CFAP61: variants seen among roughly 807,000 people sequenced by gnomAD.
CFAP61 encodes the protein cilia- and flagella-associated protein 61.
In CFAP61, 107 loss-of-function variants were observed where a neutral mutation model predicts 135.6. That is an observed-to-expected ratio of 0.79 (90% CI 0.67 to 0.93). The LOEUF is 0.93. Among genes scored for constraint, CFAP61 ranks in the 40% least tolerant of loss-of-function variants. The probability of loss-of-function intolerance (pLI) is 0.00; values close to 1 mark genes in which losing one functional copy is unlikely to be tolerated. For missense variants in CFAP61, 1,507 were observed against 1,556.2 expected, an observed-to-expected ratio of 0.97 and a Z score of 0.53; for synonymous variants, 575 against 578.5, an observed-to-expected ratio of 0.99 and a Z score of 0.09.
At chr20:20,233,217 CA>C (rs1178545608) in intron 18 of CFAP61, among the ~76,000 whole-genome samples, 1 of 152,210 alleles carries the variant, frequency 6.6e-6, no homozygotes, top group African/African-American at 2.4e-5. Context: ...TTTATCTTTA[CA>C]TTTGTCTGAG....
chr20:20,177,868 G>A lies in CFAP61; in HGVS notation c.1385+8408G>A, dbSNP rs150210071. ...TGGCCATGAGTAAAGACCTGAAGGA[G>A]GTGAGGAGGAGCCACTTGGGCATGG... On this transcript the variant is annotated intron_variant, in intron 13 of 26. Transcript: ENST00000245957. Among the ~76,000 whole-genome samples, 92 of 152,052 alleles carry A rather than the reference G, an allele frequency of 6.1e-4. 1 individual carries two copies. The highest frequency in any genetic ancestry group is 2.1e-3 in the African/African-American group (89 of 41,438).
chr20:20,159,433 A>G lies in CFAP61; in HGVS notation c.1015A>G (p.Ser339Gly). The G allele has an allele frequency of 1.2e-6, 2 of 1,613,860 alleles. No individual in the cohort carries two copies. The highest frequency in any genetic ancestry group is 1.7e-6 in the Non-Finnish European group (2 of 1,179,758). ...AACAGCAGTCCAAAGTGGAAATGTT[A>G]GTGAACCGGAGGTAGGGTTTGACGA... ...ALTAVQSGNV[S>G]EPEDIEKLSD... Residue 339 changes from serine (S) to glycine (G), a missense_variant, in exon 10 of 27, where the codon AGT becomes GGT. Coordinates refer to ENST00000245957, the MANE Select transcript of CFAP61 (RefSeq NM_015585.4).
intron 9 of CFAP61, among the ~76,000 whole-genome samples, chr20:20,151,144 A>AT (rs750322909): frequency 1.3e-5 from 2 of 152,150 alleles, no homozygotes; most frequent in Non-Finnish European, 2.9e-5. Flanking sequence ...ACTTAAAGAA[A>AT]TTTTTTAAAA....
chr20:20,071,003 C>T lies in CFAP61; in HGVS notation c.293C>T (p.Thr98Ile). The change falls in exon 3 of 27, where the codon ACA becomes ATA. Residue 98 changes from threonine to isoleucine, a missense_variant and splice_region_variant. By Grantham distance (89) the Thr-to-Ile change is moderately conservative (BLOSUM62 -1). Coordinates refer to ENST00000245957, the MANE Select transcript of CFAP61 (RefSeq NM_015585.4). ...GAGCTCGACAGTGACATCCCATGCA[C>T]AGTAAGAAATCACATACAGTGCTTG... ...FRELDSDIPCTPLNTLFMHLF... is the reference protein window; with the variant it reads ...FRELDSDIPCIPLNTLFMHLF... 4 of 1,613,246 alleles carry T rather than the reference C, an allele frequency of 2.5e-6. No homozygotes were observed. Among genetic ancestry groups the T allele is most frequent in the Non-Finnish European group, 3.4e-6 (4 of 1,179,638 alleles).
chr20:20,164,220 T>C lies in CFAP61; in HGVS notation c.1197T>C (p.Tyr399=), dbSNP rs763835302. ...CIQLFCIDEK[Y]EARSLDFMNF... is the part of the protein sequence containing the mutation. The stretch of plus-strand genomic sequence containing the variant: ...AGCTGTTTTGTATTGATGAGAAATA[T>C]GAAGCAAGGCAAGTACTGACCTTCT... Residue 399 remains tyrosine, a synonymous_variant, in exon 11 of 27, where the codon TAT becomes TAC. Transcript: ENST00000245957. 10 of 1,613,204 alleles carry C rather than the reference T, an allele frequency of 6.2e-6. No homozygotes were observed. The South Asian group carries it at 7.7e-5, about 12-fold the overall frequency.
At chr20:20,151,429 G>T (rs1186377961) in intron 9 of CFAP61, among the ~76,000 whole-genome samples, 1 of 152,054 alleles carries the variant, frequency 6.6e-6, no homozygotes, top group African/African-American at 2.4e-5. Context: ...AGGATAACTG[G>T]TATTCCTGAG....
chr20:20,061,354 A>G (rs535542604), intron 2 of CFAP61, among the ~76,000 whole-genome samples: 1 of 152,340 alleles, frequency 6.6e-6, no homozygotes, highest in African/African-American at 2.4e-5. Flanking sequence ...CTGGACAAAA[A>G]TCTTCCATTA....
intron 9 of CFAP61, among the ~76,000 whole-genome samples, chr20:20,158,512 T>C (rs1336707160): frequency 1.3e-5 from 2 of 152,160 alleles, no homozygotes; most frequent in African/African-American, 4.8e-5. Context: ...GCATTCCAAG[T>C]GTTGGTGAGG....
At chr20:20,141,462 T>G (rs78766156) in intron 8 of CFAP61, among the ~76,000 whole-genome samples, 1 of 152,194 alleles carries the variant, frequency 6.6e-6, no homozygotes, top group African/African-American at 2.4e-5. Flanking sequence ...CCTCAAAGCA[T>G]CTTTCTTCAG....
chr20:20,331,545 G>T (rs1349265296), intron 25 of CFAP61, among the ~76,000 whole-genome samples: 1 of 152,058 alleles, frequency 6.6e-6, no homozygotes, highest in Non-Finnish European at 1.5e-5. Context: ...CAAACATGGT[G>T]TGTGTGTTCT....
At chr20:20,266,484 A>G (rs1383240139) in intron 21 of CFAP61, among the ~76,000 whole-genome samples, 1 of 152,358 alleles carries the variant, frequency 6.6e-6, no homozygotes, top group Admixed American at 6.5e-5. Flanking sequence ...TAAATGTTTT[A>G]CTGAATGTAA....
intron 26 of CFAP61, among the ~76,000 whole-genome samples, chr20:20,347,932 C>CAAAAAA (rs139136148): frequency 1.3e-5 from 1 of 75,174 alleles, no homozygotes; most frequent in African/African-American, 5.0e-5. Flanking sequence ...GACGCCATCT[C>CAAAAAA]AAAAAAAAAA....
At chr20:20,057,194 T>C (rs2044424930) in intron 2 of CFAP61, among the ~76,000 whole-genome samples, 1 of 152,024 alleles carries the variant, frequency 6.6e-6, no homozygotes, top group African/African-American at 2.4e-5. Flanking sequence ...CTTTTTGTCT[T>C]TATGGGGCTT....
intron 17 of CFAP61, among the ~76,000 whole-genome samples, chr20:20,227,577 A>C (rs1448215935): frequency 6.6e-6 from 1 of 152,244 alleles, no homozygotes. Flanking sequence ...TGACTAATTC[A>C]GGTAATTTTT....
intron 21 of CFAP61, among the ~76,000 whole-genome samples, chr20:20,270,767 T>C (rs1259872229): frequency 9.2e-5 from 14 of 151,766 alleles, no homozygotes; most frequent in Non-Finnish European, 1.9e-4. Flanking sequence ...TGCCCTGGGT[T>C]CAAATGATCC....
chr20:20,262,367 G>T (rs1021024968), intron 20 of CFAP61, among the ~76,000 whole-genome samples: 1 of 152,174 alleles, frequency 6.6e-6, no homozygotes, highest in African/African-American at 2.4e-5. Context: ...CAGCCACCAC[G>T]TTATGAGGAA....
At chr20:20,308,366 G>T (rs369806907) in intron 25 of CFAP61, among the ~76,000 whole-genome samples, 1 of 151,604 alleles carries the variant, frequency 6.6e-6, no homozygotes, top group Non-Finnish European at 1.5e-5. Flanking sequence ...ATTTCTCTCT[G>T]TGCCTGTTTT....
In CFAP61 at chr20:20,265,372, T is replaced by C. The variant is rs769676169; in HGVS notation, c.2503+2242T>C. On this transcript the variant is annotated intron_variant, in intron 21 of 26. Coordinates refer to ENST00000245957, the MANE Select transcript of CFAP61 (RefSeq NM_015585.4). ...AGAAACCCCAAAGCAAGAAGCGCTG[T>C]AGTCTCTTTCATGTGCCTTTGTATT... 1.6e-4 allele frequency: 128 copies of C among 779,638 alleles called. No homozygotes were observed. The Admixed American group carries it at 2.2e-3, about 13-fold the overall frequency. 48.3% of individuals were successfully genotyped at this position (779,638 alleles called of 1,614,324 possible). A position where few individuals can be genotyped will look rare whatever the true frequency, so the allele number is the denominator to read the frequency against.
Position 20,337,894 on chromosome 20 carries a change from C to T in CFAP61, c.3423-3937C>T, listed in dbSNP as rs74489138. On this transcript the variant is annotated intron_variant, in intron 25 of 26. Coordinates refer to ENST00000245957, the MANE Select transcript of CFAP61 (RefSeq NM_015585.4). ...CTGGTGGGAAAGCAAGGACGAACCA[C>T]GGAGGCCATCCCTGGCAACTGAGCT... 5.0e-4 allele frequency among the ~76,000 whole-genome samples: 76 copies of T among 152,244 alleles called. 1 individual carries two copies. The East Asian group carries it at 0.013, about 25-fold the overall frequency.
Sources: allele counts gnomAD v4.1 joint callset (sites outside exome capture counted in the v4.1 genomes callset), GRCh38; gene constraint gnomAD v4.1.1; transcripts MANE v1.5; gene names NCBI Gene and HGNC (gene_info 2026-07-23, HGNC 2026-07-21).